Variants in LPP observed in about 807,000 individuals in gnomAD.
The protein encoded by LPP is lipoma-preferred partner.
Under a neutral mutation model 60.4 loss-of-function variants are expected in LPP, and 38 were observed. That is an observed-to-expected ratio of 0.63 (90% CI 0.49 to 0.83). LPP has a LOEUF of 0.83. Among genes scored for constraint, LPP ranks in the 40% least tolerant of loss-of-function variants. The pLI is 0.00. For synonymous variants in LPP, 328 were observed against 290.8 expected (o/e 1.13, Z -1.30); for missense variants, 902 against 783.6 (o/e 1.15, Z -1.80).
chr3:188,198,162 T>C (rs1029420780), intron 1 of LPP, among the ~76,000 whole-genome samples: 4 of 152,220 alleles, frequency 2.6e-5, no homozygotes, highest in African/African-American at 7.2e-5. Flanking sequence ...CCTATGAGGA[T>C]GGTGTTATTG....
rs879395237 is a variant in LPP, at chr3:188,438,371, A to T, written c.193+32058A>T. Among the ~76,000 whole-genome samples the T allele has an allele frequency of 7.3e-4, 110 of 150,764 alleles. 1 individual carries two copies. The highest frequency in any genetic ancestry group is 2.6e-3 in the African/African-American group (105 of 40,708). ...CCATGCATTACACACACACACACAC[A>T]CACACACACACACACACACACACAC... is the stretch of plus-strand genomic sequence containing the variant. On this transcript the variant is annotated intron_variant, in intron 4 of 11. Transcript: ENST00000617246.
intron 6 of LPP, among the ~76,000 whole-genome samples, chr3:188,590,516 G>A (rs1297550832): frequency 6.6e-6 from 1 of 152,196 alleles, no homozygotes; most frequent in Non-Finnish European, 1.5e-5. Flanking sequence ...AGAGGTTGCA[G>A]CGAGCTGAGA....
intron 7 of LPP, among the ~76,000 whole-genome samples, chr3:188,665,198 T>A (rs1855495764): frequency 6.6e-6 from 1 of 152,184 alleles, no homozygotes; most frequent in Admixed American, 6.5e-5. Context: ...GGTAAATATT[T>A]TTGTAAAGTA....
intron 9 of LPP, among the ~76,000 whole-genome samples, chr3:188,799,707 G>A (rs1222539695): frequency 6.6e-6 from 1 of 152,122 alleles, no homozygotes; most frequent in Admixed American, 6.5e-5. Context: ...CGTAAGTGGG[G>A]TTCAGAATAG....
chr3:188,373,787 C>A (rs187776947), intron 3 of LPP, among the ~76,000 whole-genome samples: 5,681 of 152,000 alleles, frequency 0.037, 151 homozygotes, highest in Non-Finnish European at 0.061. Context: ...TTGCCCATGC[C>A]TATGTCCTGA....
intron 4 of LPP, among the ~76,000 whole-genome samples, chr3:188,451,060 G>GT (rs531530053): frequency 1.8e-4 from 27 of 151,024 alleles, no homozygotes; most frequent in South Asian, 4.2e-4. Context: ...TTTTGTTTTT[G>GT]TTTTTTTTTA....
chr3:188,246,519 A>C (rs1349082112), intron 2 of LPP, among the ~76,000 whole-genome samples: 1 of 152,200 alleles, frequency 6.6e-6, no homozygotes, highest in Admixed American at 6.5e-5. Context: ...ATCTCTGCTG[A>C]CTTTCCATGT....
At chr3:188,666,861 C>T (rs1013036074) in intron 7 of LPP, among the ~76,000 whole-genome samples, 3 of 152,190 alleles carry the variant, frequency 2.0e-5, no homozygotes, top group Admixed American at 6.5e-5. Context: ...CCTAAAATTT[C>T]TGCCTTACTG....
At chr3:188,598,755 A>T (rs934843604) in intron 6 of LPP, among the ~76,000 whole-genome samples, 1 of 152,126 alleles carries the variant, frequency 6.6e-6, no homozygotes, top group African/African-American at 2.4e-5. Context: ...TTTAATATAA[A>T]CAAGTAAAAT....
At chr3:188,576,591 C>T (rs1392119554) in intron 6 of LPP, among the ~76,000 whole-genome samples, 1 of 152,136 alleles carries the variant, frequency 6.6e-6, no homozygotes, top group Non-Finnish European at 1.5e-5. Flanking sequence ...CACCAAGTCA[C>T]CAGAGTCTCA....
intron 7 of LPP, among the ~76,000 whole-genome samples, chr3:188,637,337 C>G (rs1849030144): frequency 6.6e-6 from 1 of 150,874 alleles, no homozygotes; most frequent in Non-Finnish European, 1.5e-5. Flanking sequence ...CACAACATAC[C>G]AGAGTCTCTG....
chr3:188,749,191 A>G (rs146571423), intron 8 of LPP, among the ~76,000 whole-genome samples: 4 of 152,276 alleles, frequency 2.6e-5, no homozygotes, highest in Admixed American at 2.0e-4. Flanking sequence ...ATTCCTCACA[A>G]TCAGGCAACA....
intron 4 of LPP, among the ~76,000 whole-genome samples, chr3:188,483,545 AG>A (rs1805420391): frequency 6.6e-6 from 1 of 152,248 alleles, no homozygotes; most frequent in South Asian, 2.1e-4. Flanking sequence ...GTTAAAAGGT[AG>A]AAGTTTCTGT....
At chr3:188,592,907 A>G (rs1297280917) in intron 6 of LPP, among the ~76,000 whole-genome samples, 1 of 152,092 alleles carries the variant, frequency 6.6e-6, no homozygotes, top group African/African-American at 2.4e-5. Flanking sequence ...AGTCTAAGAA[A>G]CAATGAATAA....
At chr3:188,497,114 A>G (rs1193450495) in intron 5 of LPP, among the ~76,000 whole-genome samples, 1 of 152,032 alleles carries the variant, frequency 6.6e-6, no homozygotes, top group Non-Finnish European at 1.5e-5. Context: ...TTGGTTTATG[A>G]GAGGCTTAAA....
Position 188,883,486 on chromosome 3 carries a change from C to T in LPP, c.*9007C>T, listed in dbSNP as rs1039675781. On this transcript the variant is annotated 3_prime_UTR_variant, in exon 12 of 12. Coordinates refer to ENST00000617246, the MANE Select transcript of LPP (RefSeq NM_001375462.1). ...GGTGGCTCGTGCCTGTAATCCAGCACTTTGGGAGGCCGAGGCGAGCGGATC... is the reference window on the plus strand; with the variant it reads ...GGTGGCTCGTGCCTGTAATCCAGCATTTTGGGAGGCCGAGGCGAGCGGATC... 7.0e-5 allele frequency: 13 copies of T among 186,834 alleles called. No homozygotes were observed. The highest frequency in any genetic ancestry group is 2.4e-4 in the African/African-American group (10 of 42,512). 11.6% of individuals were successfully genotyped at this position (186,834 alleles called of 1,614,324 possible). A position where few individuals can be genotyped will look rare whatever the true frequency, so the allele number is the denominator to read the frequency against.
chr3:188,709,012 T>C (rs774830980), intron 8 of LPP: 23 of 152,200 alleles, frequency 1.5e-4, no homozygotes, highest in African/African-American at 5.3e-4. Context: ...AAGTAAAAAA[T>C]GTGGAATTGG....
chr3:188,760,056 CT>C, intron 8 of LPP, 56 bp from the exon 9 acceptor site: 1 of 1,548,292 alleles, frequency 6.5e-7, no homozygotes, highest in Non-Finnish European at 8.9e-7. Context: ...TCCACTTTGG[CT>C]TTAGCAGGAC....
intron 2 of LPP, among the ~76,000 whole-genome samples, chr3:188,309,077 A>G (rs1226288748): frequency 9.6e-6 from 1 of 104,528 alleles, no homozygotes; most frequent in Non-Finnish European, 1.8e-5. Context: ...GCTGGAGTGT[A>G]GTGGTGCAAT....
Sources: allele counts gnomAD v4.1 joint callset (sites outside exome capture counted in the v4.1 genomes callset), GRCh38; gene constraint gnomAD v4.1.1; transcripts MANE v1.5; gene names NCBI Gene and HGNC (gene_info 2026-07-23, HGNC 2026-07-21).